The following AJAP1 variants were observed in gnomAD, a reference collection of about 807,000 sequenced individuals.
The protein encoded by AJAP1 is adherens junction-associated protein 1.
AJAP1 carries 5 observed loss-of-function variants against 35.0 expected under a neutral mutation model. That is an observed-to-expected ratio of 0.14 (90% CI 0.07 to 0.30). The LOEUF (loss-of-function observed/expected upper bound fraction) is 0.30, where lower values mean the gene tolerates loss of function less well. Among genes scored for constraint, AJAP1 ranks in the 10% least tolerant of loss-of-function variants. The probability of loss-of-function intolerance (pLI) is 1.00; values close to 1 mark genes in which losing one functional copy is unlikely to be tolerated. For synonymous variants in AJAP1, 284 were observed against 249.3 expected, an observed-to-expected ratio of 1.14 and a Z score of -1.31; for missense variants, 586 against 571.0, an observed-to-expected ratio of 1.03 and a Z score of -0.27.
chr1:4,697,361 C>T (rs553587877), intron 1 of AJAP1, among the ~76,000 whole-genome samples: 9 of 152,360 alleles, frequency 5.9e-5, no homozygotes, highest in Admixed American at 2.6e-4. Flanking sequence ...TTTGTGGCTT[C>T]GCACAAGGAA....
intron 3 of AJAP1, among the ~76,000 whole-genome samples, chr1:4,771,259 C>T (rs927504203): frequency 2.6e-5 from 4 of 152,308 alleles, no homozygotes; most frequent in African/African-American, 9.6e-5. Context: ...CTGCCCCCTG[C>T]GTTTGGCATT....
intron 2 of AJAP1, among the ~76,000 whole-genome samples, chr1:4,736,848 G>A (rs1640938061): frequency 6.6e-6 from 1 of 152,188 alleles, no homozygotes; most frequent in Admixed American, 6.5e-5. Context: ...TGGGCTGGTT[G>A]GAAAGAGGGC....
intron 1 of AJAP1, among the ~76,000 whole-genome samples, chr1:4,688,570 C>T (rs1034171354): frequency 4.6e-5 from 7 of 151,918 alleles, no homozygotes; most frequent in East Asian, 1.9e-4. Context: ...GTCAGGAGTT[C>T]GAGACCAGCC....
intron 2 of AJAP1, among the ~76,000 whole-genome samples, chr1:4,754,300 G>T: frequency 6.6e-6 from 1 of 152,212 alleles, no homozygotes; most frequent in East Asian, 1.9e-4. Flanking sequence ...AGGCAGGGGT[G>T]TGTTGTTACT....
chr1:4,765,937 T>G (rs1165865238), intron 2 of AJAP1, among the ~76,000 whole-genome samples: 1 of 152,082 alleles, frequency 6.6e-6, no homozygotes, highest in East Asian at 1.9e-4. Flanking sequence ...CAGTGACCAG[T>G]GAAGAGCCCA....
In AJAP1 at chr1:4,656,079, T is replaced by TG. The variant is rs1016657910; in HGVS notation, c.29+629dup. 1.3e-5 allele frequency among the ~76,000 whole-genome samples: 2 copies of TG among 151,634 alleles called. No individual in the cohort carries two copies. The highest frequency in any genetic ancestry group is 2.9e-5 in the Non-Finnish European group (2 of 67,910). On this transcript the variant is annotated intron_variant, in intron 1 of 5. Transcript: ENST00000378191. This position sits in a 1 kb window ranked among gnomAD's most constrained non-coding sequence, Gnocchi z 5.7. ...GCTGGGGCGGGAGAGCTGGGGTTCT[T>TG]GGGGAGCTCCGGCGGCCACCCCGCT...
At chr1:4,691,683 AG>A in intron 1 of AJAP1, among the ~76,000 whole-genome samples, 1 of 152,204 alleles carries the variant, frequency 6.6e-6, no homozygotes, top group East Asian at 1.9e-4. Context: ...TCCAGGAGTC[AG>A]GGGGGCTTAG....
Position 4,786,592 on chromosome 1 carries a change from G to T in AJAP1, c.*4107G>T, listed in dbSNP as rs189990055. The stretch of plus-strand genomic sequence containing the variant: ...GTGTAGGCCATATTGAAAGGTGAAC[G>T]CACCAAAGGATCGACCCTGTCACCT... On this transcript the variant is annotated 3_prime_UTR_variant, in exon 6 of 6. Transcript: ENST00000378191. 2 of 152,286 alleles carry T rather than the reference G, an allele frequency of 1.3e-5. 1 individual carries two copies. The highest frequency in any genetic ancestry group is 3.9e-4 in the East Asian group (2 of 5,180). The allele number at this position is 152,286 out of a possible 1,614,324, so 9.4% of individuals were successfully genotyped here.
chr1:4,715,311 T>C (rs1640363702), intron 2 of AJAP1, among the ~76,000 whole-genome samples: 1 of 152,376 alleles, frequency 6.6e-6, no homozygotes, highest in Middle Eastern at 3.4e-3. Flanking sequence ...GGAGAGAATC[T>C]GGGCTCTGTT....
At chr1:4,694,169 G>C (rs1639805085) in intron 1 of AJAP1, among the ~76,000 whole-genome samples, 1 of 136,946 alleles carries the variant, frequency 7.3e-6, no homozygotes, top group South Asian at 2.7e-4. Context: ...TCAGCCCAGG[G>C]GCACGGGTGC....
chr1:4,763,006 G>A (rs1228709923), intron 2 of AJAP1, among the ~76,000 whole-genome samples: 1 of 151,926 alleles, frequency 6.6e-6, no homozygotes, highest in Non-Finnish European at 1.5e-5. Context: ...GAGGGAGAAG[G>A]GGTGTTAAAA....
At chr1:4,756,540 C>T (rs1641436829) in intron 2 of AJAP1, among the ~76,000 whole-genome samples, 1 of 152,214 alleles carries the variant, frequency 6.6e-6, no homozygotes, top group Admixed American at 6.5e-5. Flanking sequence ...TAGGGCAGAA[C>T]AGAGATGGCT....
At position 4,687,591 on chromosome 1, in the gene AJAP1, G is replaced by T. The variant is rs368560372; in HGVS notation, c.30-24309G>T. On this transcript the variant is annotated intron_variant, in intron 1 of 5. Transcript: ENST00000378191. Reference sequence around the variant, plus strand: ...GGACAGTGGAAGGTTCTGCTGTCTGGTGGCTACGGCTGCTTTAGGAAAATA... The same window carrying T: ...GGACAGTGGAAGGTTCTGCTGTCTGTTGGCTACGGCTGCTTTAGGAAAATA... Among the ~76,000 whole-genome samples the T allele has an allele frequency of 5.9e-5, 9 of 152,250 alleles. No individual in the cohort carries two copies. The East Asian group carries it at 1.5e-3, about 26-fold the overall frequency.
chr1:4,779,206 G>GA (rs1390002608), intron 5 of AJAP1, among the ~76,000 whole-genome samples: 70 of 152,320 alleles, frequency 4.6e-4, no homozygotes, highest in African/African-American at 1.7e-3. Context: ...TTTGCAACTT[G>GA]AAATCAGGGA....
Position 4,712,129 on chromosome 1 carries a change from G to A in AJAP1, c.259G>A (p.Glu87Lys), listed in dbSNP as rs1265035898. The A allele has an allele frequency of 1.3e-6, 2 of 1,554,278 alleles. No homozygotes were observed. The highest frequency in any genetic ancestry group is 2.8e-5 in the African/African-American group (2 of 72,650). ...PVWSPRPPRV[E>K]RIHGQMQMPR... ...GTGGAGCCCCCGGCCGCCCCGAGTG[G>A]AGCGGATCCACGGGCAGATGCAGAT... Residue 87 changes from glutamate to lysine, a missense_variant, in exon 2 of 6, where the codon GAG becomes AAG. Physicochemically the swap from Glu to Lys is moderately conservative, Grantham distance 56 (BLOSUM62 1). Transcript: ENST00000378191.
At chr1:4,673,113 G>A (rs1194547054) in intron 1 of AJAP1, among the ~76,000 whole-genome samples, 1 of 152,202 alleles carries the variant, frequency 6.6e-6, no homozygotes, top group African/African-American at 2.4e-5. Flanking sequence ...ATCTCCAGAA[G>A]GAGACACAGC....
chr1:4,761,301 C>T (rs1641558798), intron 2 of AJAP1, among the ~76,000 whole-genome samples: 1 of 152,204 alleles, frequency 6.6e-6, no homozygotes, highest in Non-Finnish European at 1.5e-5. Context: ...AGCTGGGTGG[C>T]ATGGGGTCTT....
chr1:4,666,031 G>GTGC (rs941977833), intron 1 of AJAP1, among the ~76,000 whole-genome samples: 1 of 152,174 alleles, frequency 6.6e-6, no homozygotes, highest in Admixed American at 6.5e-5. Flanking sequence ...GGTGGTGAGT[G>GTGC]TGCTGCACAG....
At position 4,723,075 on chromosome 1, in the gene AJAP1, G is replaced by C. The variant is rs1247982606; in HGVS notation, c.829+10376G>C. ...CAGATGGGACGTGATAACTTGTAGA[G>C]AGGTGGGACGCGAGCCCCAAGAGAG... On this transcript the variant is annotated intron_variant, in intron 2 of 5. Coordinates refer to ENST00000378191, the MANE Select transcript of AJAP1 (RefSeq NM_018836.4). This position sits in a 1 kb window ranked among gnomAD's most constrained non-coding sequence, Gnocchi z 4.3. 2.6e-5 allele frequency among the ~76,000 whole-genome samples: 4 copies of C among 152,182 alleles called. No homozygotes were observed. Among genetic ancestry groups the C allele is most frequent in the African/African-American group, 7.2e-5 (3 of 41,436 alleles).
Sources: allele counts gnomAD v4.1 joint callset (sites outside exome capture counted in the v4.1 genomes callset), GRCh38; gene constraint gnomAD v4.1.1; non-coding constraint Gnocchi (gnomAD v3.1); transcripts MANE v1.5; gene names NCBI Gene and HGNC (gene_info 2026-07-23, HGNC 2026-07-21).